Variants in KCNQ5 observed in about 807,000 individuals in gnomAD.
KCNQ5 encodes the protein potassium voltage-gated channel subfamily KQT member 5.
In KCNQ5, 30 loss-of-function variants were observed where a neutral mutation model predicts 98.2. The observed-to-expected ratio is 0.31, with a 90% CI of 0.23 to 0.41. KCNQ5 has a LOEUF of 0.41. KCNQ5 is among the 10% of genes least tolerant of loss of function. KCNQ5 has a pLI of 1.00. For missense variants in KCNQ5, 835 were observed against 1,182.5 expected, an observed-to-expected ratio of 0.71 and a Z score of 4.31; for synonymous variants, 458 against 449.4, an observed-to-expected ratio of 1.02 and a Z score of -0.24.
intron 1 of KCNQ5, among the ~76,000 whole-genome samples, chr6:72,692,285 G>A (rs1365602585): frequency 6.6e-6 from 1 of 152,170 alleles, no homozygotes; most frequent in Non-Finnish European, 1.5e-5. Context: ...GCATAAATTT[G>A]ATGCTATAGG....
intron 1 of KCNQ5, among the ~76,000 whole-genome samples, chr6:72,865,583 G>C (rs988485706): frequency 1.3e-5 from 2 of 152,046 alleles, no homozygotes; most frequent in Non-Finnish European, 2.9e-5. Context: ...AGGATGTTTT[G>C]CCATCCAGAA....
At chr6:73,111,252 T>C (rs1582378471) in intron 6 of KCNQ5, 56 bp from the exon 7 acceptor site, 1 of 1,170,184 alleles carries the variant, frequency 8.5e-7, no homozygotes, top group South Asian at 1.3e-5. Context: ...TTAATATTTG[T>C]ATTATTTAAC....
intron 1 of KCNQ5, among the ~76,000 whole-genome samples, chr6:72,698,359 AC>A (rs2097225924): frequency 6.6e-6 from 1 of 152,040 alleles, no homozygotes; most frequent in South Asian, 2.1e-4. Flanking sequence ...GTGTGCCACC[AC>A]GCCTGGCTAA....
intron 1 of KCNQ5, among the ~76,000 whole-genome samples, chr6:72,868,702 T>C (rs763754580): frequency 1.3e-5 from 2 of 152,164 alleles, no homozygotes; most frequent in African/African-American, 2.4e-5. Flanking sequence ...GTAAGCTCTA[T>C]GAACAGAGCT....
chr6:72,681,899 T>C (rs993156719), intron 1 of KCNQ5, among the ~76,000 whole-genome samples: 4 of 152,222 alleles, frequency 2.6e-5, no homozygotes, highest in African/African-American at 7.2e-5. Flanking sequence ...ATCCTAGATT[T>C]GCTCCTGGGT....
At position 73,133,148 on chromosome 6, in the gene KCNQ5, T is replaced by C. The variant is rs142431048; in HGVS notation, c.1248-273T>C. On this transcript the variant is annotated intron_variant, in intron 9 of 13. Coordinates refer to ENST00000370398, the MANE Select transcript of KCNQ5 (RefSeq NM_019842.4). ...CAGTTCTTAGTTATCTACAGTGTAA[T>C]TGTGTACAAAATGCTGTATGACCTC... Among the ~76,000 whole-genome samples, 1,480 of 152,328 alleles carry C rather than the reference T, an allele frequency of 9.7e-3. 29 individuals carry two copies. Among genetic ancestry groups the C allele is most frequent in the African/African-American group, 0.034 (1,416 of 41,570 alleles).
intron 3 of KCNQ5, among the ~76,000 whole-genome samples, chr6:73,045,200 G>C (rs1771906663): frequency 6.6e-6 from 1 of 152,120 alleles, no homozygotes; most frequent in African/African-American, 2.4e-5. Context: ...AAAGCCCACT[G>C]ATCTCACAAA....
chr6:72,922,095 A>C (rs1780424763), intron 1 of KCNQ5, among the ~76,000 whole-genome samples: 1 of 152,210 alleles, frequency 6.6e-6, no homozygotes, highest in Admixed American at 6.5e-5. Context: ...TACTATCCCC[A>C]GTTCTGTAAG....
At chr6:73,145,279 CAG>C (rs1435991876) in intron 10 of KCNQ5, among the ~76,000 whole-genome samples, 1 of 152,180 alleles carries the variant, frequency 6.6e-6, no homozygotes, top group African/African-American at 2.4e-5. Context: ...AATTGAGACT[CAG>C]AAAATGTAAA....
intron 10 of KCNQ5, among the ~76,000 whole-genome samples, chr6:73,167,119 G>A (rs928535348): frequency 7.9e-5 from 12 of 152,142 alleles, no homozygotes; most frequent in Non-Finnish European, 1.2e-4. Flanking sequence ...CCATGGGCAC[G>A]ATGTTTATGG....
chr6:72,786,879 A>T (rs1773776045), intron 1 of KCNQ5, among the ~76,000 whole-genome samples: 1 of 151,504 alleles, frequency 6.6e-6, no homozygotes, highest in Non-Finnish European at 1.5e-5. Flanking sequence ...GGTGGCGGGC[A>T]CCTGTAGTCC....
intron 10 of KCNQ5, among the ~76,000 whole-genome samples, chr6:73,158,863 G>A (rs1453116576): frequency 6.6e-6 from 1 of 151,826 alleles, no homozygotes; most frequent in East Asian, 1.9e-4. Context: ...ATTCATAATT[G>A]CCTTTTTCAG....
chr6:72,960,084 C>T (rs753057070), intron 1 of KCNQ5, among the ~76,000 whole-genome samples: 2 of 152,108 alleles, frequency 1.3e-5, no homozygotes, highest in Non-Finnish European at 2.9e-5. Context: ...CTGAAAGAAG[C>T]CTGACAACAC....
chr6:72,704,885 T>C (rs576798149), intron 1 of KCNQ5, among the ~76,000 whole-genome samples: 1 of 152,178 alleles, frequency 6.6e-6, no homozygotes, highest in South Asian at 2.1e-4. Context: ...AATGTTAACT[T>C]TGTAAATTTT....
At chr6:72,821,435 T>G (rs1775746681) in intron 1 of KCNQ5, among the ~76,000 whole-genome samples, 1 of 152,104 alleles carries the variant, frequency 6.6e-6, no homozygotes, top group African/African-American at 2.4e-5. Flanking sequence ...AGAAACAAAT[T>G]TACTTGTCTA....
intron 5 of KCNQ5, among the ~76,000 whole-genome samples, chr6:73,090,670 C>T (rs1358178982): frequency 6.6e-6 from 1 of 152,008 alleles, no homozygotes; most frequent in Admixed American, 6.6e-5. Flanking sequence ...AAAAGGGTGT[C>T]CTTCGCTTCT....
chr6:72,750,174 T>G (rs190742504), intron 1 of KCNQ5, among the ~76,000 whole-genome samples: 9 of 152,166 alleles, frequency 5.9e-5, no homozygotes, highest in Admixed American at 5.2e-4. Flanking sequence ...TTGGCAAACC[T>G]TGGAAAGGAA....
intron 1 of KCNQ5, among the ~76,000 whole-genome samples, chr6:72,782,197 G>A (rs1773513463): frequency 6.6e-6 from 1 of 151,846 alleles, no homozygotes; most frequent in South Asian, 2.1e-4. Context: ...AGGTTTTCTA[G>A]GGTTACCTAT....
intron 1 of KCNQ5, among the ~76,000 whole-genome samples, chr6:72,947,110 A>G (rs1031388637): frequency 1.2e-4 from 19 of 152,192 alleles, no homozygotes; most frequent in Non-Finnish European, 7.4e-5. Context: ...CATTGAGCTC[A>G]CAGGGCCTTC....
Sources: allele counts gnomAD v4.1 joint callset (sites outside exome capture counted in the v4.1 genomes callset), GRCh38; gene constraint gnomAD v4.1.1; transcripts MANE v1.5; gene names NCBI Gene and HGNC (gene_info 2026-07-23, HGNC 2026-07-21).